The following PARD3 variants were observed in gnomAD, a reference collection of about 807,000 sequenced individuals.
PARD3 encodes partitioning defective 3 homolog.
Under a neutral mutation model 155.4 loss-of-function variants are expected in PARD3, and 75 were observed. The ratio of observed to expected loss-of-function variants is 0.48; its 90% CI spans 0.40 to 0.58. The LOEUF is 0.58. Ranked by LOEUF, PARD3 falls within the 20% of genes least tolerant of loss-of-function variation. PARD3 has a pLI of 0.00. For synonymous variants in PARD3, 576 were observed against 610.5 expected, an observed-to-expected ratio of 0.94 and a Z score of 0.83; for missense variants, 1,642 against 1,721.7, an observed-to-expected ratio of 0.95 and a Z score of 0.82.
Position 34,637,872 on chromosome 10 carries a change from C to T in PARD3, c.222+58446G>A, listed in dbSNP as rs958606622. ...CACATCAAATAATTAAGTTTGCAGG[C>T]GTGAAATATATTCAAAAGCCAGGTA... On this transcript the variant is annotated intron_variant, in intron 2 of 24. Coordinates refer to ENST00000374788, the MANE Select transcript of PARD3 (RefSeq NM_001184785.2). Among the ~76,000 whole-genome samples the T allele has an allele frequency of 5.3e-5, 8 of 152,124 alleles. No homozygotes were observed. In the East Asian group the frequency reaches 7.7e-4, roughly 15 times the overall value.
chr10:34,136,770 C>T (rs1198186579), intron 22 of PARD3, among the ~76,000 whole-genome samples: 1 of 151,956 alleles, frequency 6.6e-6, no homozygotes, highest in African/African-American at 2.4e-5. Flanking sequence ...AGACATCAAT[C>T]CACTTCCTTG....
intron 5 of PARD3, among the ~76,000 whole-genome samples, chr10:34,448,865 T>G (rs1428161493): frequency 2.0e-5 from 3 of 151,986 alleles, no homozygotes; most frequent in African/African-American, 7.2e-5. Context: ...CTCAAGTGTT[T>G]TCACCACACA....
intron 2 of PARD3, among the ~76,000 whole-genome samples, chr10:34,692,208 G>C (rs2094076507): frequency 6.7e-6 from 1 of 148,412 alleles, no homozygotes; most frequent in East Asian, 2.0e-4. Flanking sequence ...CTCCAGCCTG[G>C]GTGATAAGAG....
At chr10:34,433,126 T>C (rs1204263812) in intron 5 of PARD3, among the ~76,000 whole-genome samples, 2 of 152,214 alleles carry the variant, frequency 1.3e-5, no homozygotes, top group African/African-American at 2.4e-5. Context: ...CAAATATATT[T>C]AAGGAACTAA....
chr10:34,144,231 G>A (rs1554794772), intron 22 of PARD3, among the ~76,000 whole-genome samples: 2 of 151,968 alleles, frequency 1.3e-5, no homozygotes, highest in Non-Finnish European at 2.9e-5. Flanking sequence ...CATGTGCATA[G>A]TTTATATTTT....
intron 1 of PARD3, among the ~76,000 whole-genome samples, chr10:34,806,153 C>T (rs1054392352): frequency 6.6e-6 from 1 of 151,748 alleles, no homozygotes; most frequent in African/African-American, 2.4e-5. Flanking sequence ...ACGTCAGCCT[C>T]CTGAGCAGCT....
chr10:34,787,801 C>T (rs1841162813), intron 1 of PARD3, among the ~76,000 whole-genome samples: 1 of 148,236 alleles, frequency 6.7e-6, no homozygotes, highest in African/African-American at 2.5e-5. Flanking sequence ...ACTTTTGAGA[C>T]AGGGTGTCAC....
intron 22 of PARD3, among the ~76,000 whole-genome samples, chr10:34,139,130 A>T (rs1379412181): frequency 6.6e-6 from 1 of 152,198 alleles, no homozygotes; most frequent in East Asian, 1.9e-4. Flanking sequence ...TCAAAGTCCT[A>T]CAACTTAAGA....
At chr10:34,738,760 C>T (rs1022145487) in intron 1 of PARD3, among the ~76,000 whole-genome samples, 2 of 151,972 alleles carry the variant, frequency 1.3e-5, no homozygotes, top group Non-Finnish European at 2.9e-5. Flanking sequence ...CTTAAAAAAA[C>T]AGGGCAGAAG....
intron 14 of PARD3, among the ~76,000 whole-genome samples, chr10:34,354,535 A>C (rs985475757): frequency 1.3e-5 from 2 of 152,176 alleles, no homozygotes; most frequent in African/African-American, 4.8e-5. Flanking sequence ...GCAAAAGAAA[A>C]TCAAAGAGGA....
chr10:34,619,547 C>A (rs2091487473), intron 2 of PARD3, among the ~76,000 whole-genome samples: 1 of 151,992 alleles, frequency 6.6e-6, no homozygotes, highest in South Asian at 2.1e-4. Context: ...CAACTTTTTT[C>A]TTTTTTAATT....
intron 2 of PARD3, among the ~76,000 whole-genome samples, chr10:34,675,146 G>A (rs145157446): frequency 4.1e-4 from 62 of 152,106 alleles, no homozygotes; most frequent in African/African-American, 1.4e-3. Context: ...TTTTTTAACA[G>A]GTAACCTATA....
intron 5 of PARD3, among the ~76,000 whole-genome samples, chr10:34,424,609 G>A (rs1262879633): frequency 6.6e-6 from 1 of 152,054 alleles, no homozygotes; most frequent in African/African-American, 2.4e-5. Flanking sequence ...CTGTCTCCCG[G>A]GTTCAAGAGA....
chr10:34,404,026 TA>T (rs1404586404), intron 5 of PARD3, among the ~76,000 whole-genome samples: 2 of 152,168 alleles, frequency 1.3e-5, no homozygotes, highest in Non-Finnish European at 2.9e-5. Flanking sequence ...ACTACAGTGA[TA>T]AAACAGTCAC....
rs778035968 is a variant in PARD3 at position 34,484,805 on chromosome 10, A to G, written c.404-14542T>C. Among the ~76,000 whole-genome samples the G allele has an allele frequency of 7.2e-5, 11 of 152,238 alleles. No individual in the cohort carries two copies. The South Asian group carries it at 1.2e-3, about 17-fold the overall frequency. ...ACTTCAAGTGAAAAATAACTGCTAAATTTTACCTATGAACCTTTTGCATTC... is the reference window on the plus strand; with the variant it reads ...ACTTCAAGTGAAAAATAACTGCTAAGTTTTACCTATGAACCTTTTGCATTC... On this transcript the variant is annotated intron_variant, in intron 3 of 24. Transcript: ENST00000374788.
chr10:34,591,648 A>G (rs1333575890), intron 2 of PARD3, among the ~76,000 whole-genome samples: 1 of 152,182 alleles, frequency 6.6e-6, no homozygotes, highest in Non-Finnish European at 1.5e-5. Flanking sequence ...GCCCACCTAA[A>G]ATCAGGGGAC....
At chr10:34,371,589 G>A (rs570668106) in intron 12 of PARD3, among the ~76,000 whole-genome samples, 1 of 136,132 alleles carries the variant, frequency 7.3e-6, no homozygotes, top group African/African-American at 2.6e-5. Flanking sequence ...TTATAAAGCT[G>A]TACAGAAAAT....
intron 1 of PARD3, among the ~76,000 whole-genome samples, chr10:34,761,397 C>A (rs968652845): frequency 6.6e-6 from 1 of 151,936 alleles, no homozygotes; most frequent in Non-Finnish European, 1.5e-5. Flanking sequence ...GGTAACACAG[C>A]GAGACTCTGT....
intron 13 of PARD3, 105 bp downstream of exon 13, chr10:34,359,966 A>C (rs112948484): frequency 7.3e-6 from 6 of 821,784 alleles, no homozygotes; most frequent in African/African-American, 1.7e-5. Flanking sequence ...GGTACCATAA[A>C]GAAATGAGAA....
Sources: allele counts gnomAD v4.1 joint callset (sites outside exome capture counted in the v4.1 genomes callset), GRCh38; gene constraint gnomAD v4.1.1; transcripts MANE v1.5; gene names NCBI Gene and HGNC (gene_info 2026-07-23, HGNC 2026-07-21).